RAC1: variants seen among roughly 807,000 people sequenced by gnomAD.
The protein encoded by RAC1 is ras-related C3 botulinum toxin substrate 1.
Under a neutral mutation model 25.2 loss-of-function variants are expected in RAC1, and 2 were observed. The ratio of observed to expected loss-of-function variants is 0.08; its 90% CI spans 0.03 to 0.25. The LOEUF (loss-of-function observed/expected upper bound fraction) is 0.25, where lower values mean the gene tolerates loss of function less well. Among genes scored for constraint, RAC1 ranks in the 10% least tolerant of loss-of-function variants. The pLI, the probability that RAC1 is intolerant of heterozygous loss-of-function variation, is 1.00. For synonymous variants in RAC1, 88 were observed against 94.0 expected, an observed-to-expected ratio of 0.94 and a Z score of 0.37; for missense variants, 50 against 235.7, an observed-to-expected ratio of 0.21 and a Z score of 5.16.
At chr7:6,402,078 A>G in intron 5 of RAC1, 51 bp downstream of exon 5, 1 of 1,576,926 alleles carries the variant, frequency 6.3e-7, no homozygotes, top group Non-Finnish European at 8.6e-7. Flanking sequence ...TATTGTAGTG[A>G]CAGAGACTGG....
intron 1 of RAC1, among the ~76,000 whole-genome samples, chr7:6,381,939 G>A (rs919992354): frequency 6.6e-6 from 1 of 152,058 alleles, no homozygotes; most frequent in African/African-American, 2.4e-5. Context: ...CAATAAGTAG[G>A]AATATATATT....
At chr7:6,390,444 A>G (rs1017021581) in intron 2 of RAC1, among the ~76,000 whole-genome samples, 12 of 152,012 alleles carry the variant, frequency 7.9e-5, no homozygotes, top group African/African-American at 2.9e-4. Flanking sequence ...TACTAAAAAT[A>G]CAAAAATTAA....
chr7:6,392,959 C>A (rs950798939), intron 3 of RAC1, among the ~76,000 whole-genome samples: 1 of 152,178 alleles, frequency 6.6e-6, no homozygotes, highest in Non-Finnish European at 1.5e-5. Context: ...TGGGGCCAGC[C>A]GCTGTCAGAA....
intron 1 of RAC1, among the ~76,000 whole-genome samples, chr7:6,382,192 G>C (rs1002482521): frequency 6.6e-6 from 1 of 151,940 alleles, no homozygotes; most frequent in Non-Finnish European, 1.5e-5. Flanking sequence ...ATGCAGTTTC[G>C]CTGTGTTGGT....
intron 1 of RAC1, among the ~76,000 whole-genome samples, chr7:6,382,540 G>T (rs1782798113): frequency 6.6e-6 from 1 of 152,148 alleles, no homozygotes; most frequent in African/African-American, 2.4e-5. Flanking sequence ...TAACACTAAA[G>T]TTTACCCTAC....
chr7:6,392,194 C>G (rs572425012), intron 3 of RAC1, among the ~76,000 whole-genome samples, 153 bp downstream of exon 3: 1 of 152,116 alleles, frequency 6.6e-6, no homozygotes, highest in Non-Finnish European at 1.5e-5. Context: ...ATGTAAACAT[C>G]CCCCTAGATG....
Position 6,402,502 on chromosome 7 carries a change from C to CAAAAAAAAAAA in RAC1, c.*65_*66insAAAAAAAAAAA, listed in dbSNP as rs1484553436. 2.0e-4 allele frequency: 21 copies of CAAAAAAAAAAA among 106,274 alleles called. 3 individuals carry two copies. Among genetic ancestry groups the CAAAAAAAAAAA allele is most frequent in the Middle Eastern group, 3.4e-3 (1 of 290 alleles). The allele number at this position is 106,274 out of a possible 1,614,324, so 6.6% of individuals were successfully genotyped here. On this transcript the variant is annotated 3_prime_UTR_variant, in exon 6 of 6. Coordinates refer to ENST00000348035, the MANE Select transcript of RAC1 (RefSeq NM_006908.5). ...CCTTGGAACCTTTGTACGCTTTGCT[C>CAAAAAAAAAAA]AAAAAAAAACAAAAAAAAAAAACAA...
chr7:6,390,730 A>C (rs1467245607), intron 2 of RAC1, among the ~76,000 whole-genome samples: 2 of 152,134 alleles, frequency 1.3e-5, no homozygotes, highest in African/African-American at 4.8e-5. Context: ...TTTGTGGCTA[A>C]AATTTTTATC....
intron 3 of RAC1, among the ~76,000 whole-genome samples, chr7:6,393,248 A>G (rs1367849607): frequency 6.6e-6 from 1 of 152,232 alleles, no homozygotes; most frequent in Non-Finnish European, 1.5e-5. Flanking sequence ...ATTAAAAATC[A>G]GTCTATAATC....
intron 2 of RAC1, among the ~76,000 whole-genome samples, chr7:6,388,159 G>A (rs1344559267): frequency 6.6e-6 from 1 of 151,930 alleles, no homozygotes; most frequent in African/African-American, 2.4e-5. Context: ...CTGGTGATGG[G>A]TTACCCGGGA....
At chr7:6,390,096 C>CTCCCTCCCTTT (rs1783049092) in intron 2 of RAC1, among the ~76,000 whole-genome samples, 1 of 74,924 alleles carries the variant, frequency 1.3e-5, no homozygotes, top group African/African-American at 6.3e-5. Context: ...CCCTCCCTCC[C>CTCCCTCCCTTT]TTTTTTTTTT....
intron 2 of RAC1, chr7:6,391,648 T>C: frequency 2.3e-6 from 1 of 433,654 alleles, no homozygotes; most frequent in East Asian, 4.0e-5. Flanking sequence ...AAACTTTGTT[T>C]AAAGTAAAAT....
At chr7:6,399,512 C>T (rs551077637) in intron 3 of RAC1, among the ~76,000 whole-genome samples, 2 of 152,250 alleles carry the variant, frequency 1.3e-5, no homozygotes, top group African/African-American at 2.4e-5. Flanking sequence ...CCACCCTTTG[C>T]GCCTCTGCGT....
intron 1 of RAC1, 62 bp from the exon 2 acceptor site, chr7:6,387,150 A>G: frequency 2.9e-6 from 3 of 1,045,748 alleles, no homozygotes; most frequent in Non-Finnish European, 1.4e-6. Context: ...ATTTTAACTT[A>G]ATAGTGAAAG....
At chr7:6,390,096 C>CCTTTTTTTTTTTTTTTT (rs1554263519) in intron 2 of RAC1, among the ~76,000 whole-genome samples, 1 of 74,924 alleles carries the variant, frequency 1.3e-5, no homozygotes, top group East Asian at 7.7e-4. Context: ...CCCTCCCTCC[C>CCTTTTTTTTTTTTTTTT]TTTTTTTTTT....
chr7:6,400,045 C>T, intron 3 of RAC1, 81 bp from the exon 4 acceptor site: 1 of 1,272,578 alleles, frequency 7.9e-7, no homozygotes. Context: ...ACAAGTCCTT[C>T]CCAGCAACAT....
chr7:6,377,026 G>C (rs1782623473), intron 1 of RAC1, among the ~76,000 whole-genome samples: 5 of 151,934 alleles, frequency 3.3e-5, no homozygotes, highest in Admixed American at 3.3e-4. Context: ...TCCCAAGAGA[G>C]GCGGTTCAAT....
At chr7:6,391,716 A>G (rs1053749048) in intron 2 of RAC1, 2 of 568,232 alleles carry the variant, frequency 3.5e-6, no homozygotes, top group Middle Eastern at 4.7e-4. Flanking sequence ...TGTTTCTTTC[A>G]TTTCTCTTAA....
At chr7:6,389,966 CCTT>C (rs1783040902) in intron 2 of RAC1, among the ~76,000 whole-genome samples, 1 of 135,134 alleles carries the variant, frequency 7.4e-6, no homozygotes, top group Non-Finnish European at 1.6e-5. Context: ...TCCCTTCCTC[CCTT>C]CCTTTCTTCC....
Sources: gnomAD v4.1 joint callset for allele counts (sites outside exome capture counted in the v4.1 genomes callset) on GRCh38, gnomAD v4.1.1 for gene constraint, MANE v1.5 for transcripts, NCBI Gene and HGNC (gene_info 2026-07-23, HGNC 2026-07-21) for gene names.